Variants in SLC35F3 observed in about 807,000 individuals in gnomAD.
The protein encoded by SLC35F3 is solute carrier family 35 member F3, also known as putative thiamine transporter SLC35F3.
A neutral mutation model predicts 49.9 loss-of-function variants in SLC35F3; 25 were observed. The observed-to-expected ratio is 0.50, with a 90% CI of 0.37 to 0.70. SLC35F3 has a LOEUF of 0.70. Among genes scored for constraint, SLC35F3 ranks in the 30% least tolerant of loss-of-function variants. The probability of loss-of-function intolerance (pLI) is 0.00; values close to 1 mark genes in which losing one functional copy is unlikely to be tolerated. For synonymous variants in SLC35F3, 275 were observed against 265.4 expected, an observed-to-expected ratio of 1.04 and a Z score of -0.35; for missense variants, 525 against 639.8, an observed-to-expected ratio of 0.82 and a Z score of 1.94.
chr1:234,121,792 C>T (rs1000614704), intron 2 of SLC35F3, among the ~76,000 whole-genome samples: 1 of 152,266 alleles, frequency 6.6e-6, no homozygotes, highest in Non-Finnish European at 1.5e-5. Flanking sequence ...CAATTCCCAC[C>T]TATGAGTGAG....
At chr1:234,061,555 T>C (rs1664540535) in intron 2 of SLC35F3, among the ~76,000 whole-genome samples, 1 of 152,150 alleles carries the variant, frequency 6.6e-6, no homozygotes, top group Non-Finnish European at 1.5e-5. Flanking sequence ...TTCTGCTCTT[T>C]TCTCTCTTCT....
At chr1:233,906,127 C>T (rs981838791) in intron 2 of SLC35F3, among the ~76,000 whole-genome samples, 3 of 152,200 alleles carry the variant, frequency 2.0e-5, no homozygotes, top group Admixed American at 6.5e-5. Flanking sequence ...ACAGGGCCCT[C>T]GGTCAGGTCT....
intron 4 of SLC35F3, among the ~76,000 whole-genome samples, chr1:234,311,934 A>G (rs1657365896): frequency 3.9e-5 from 6 of 152,222 alleles, no homozygotes; most frequent in Admixed American, 3.9e-4. Context: ...AGAGAATATT[A>G]CTACTCATCT....
intron 2 of SLC35F3, among the ~76,000 whole-genome samples, chr1:234,230,250 T>G (rs558887478): frequency 6.6e-6 from 1 of 152,168 alleles, no homozygotes; most frequent in African/African-American, 2.4e-5. Context: ...ACCTGAAAAA[T>G]AGATTACATT....
At chr1:234,292,817 C>T (rs900572497) in intron 3 of SLC35F3, among the ~76,000 whole-genome samples, 1 of 152,202 alleles carries the variant, frequency 6.6e-6, no homozygotes, top group Admixed American at 6.5e-5. Context: ...TAGGGCCCTT[C>T]AACAGTGATG....
chr1:234,017,362 T>C (rs1355547899), intron 2 of SLC35F3, among the ~76,000 whole-genome samples: 1 of 152,182 alleles, frequency 6.6e-6, no homozygotes, highest in African/African-American at 2.4e-5. Context: ...TGTGAGCTTC[T>C]GGTCACATTT....
chr1:233,981,665 G>GAAAAAAAATATAAAAAAA (rs1663185728), intron 2 of SLC35F3, among the ~76,000 whole-genome samples: 1 of 138,380 alleles, frequency 7.2e-6, no homozygotes. Context: ...CTTTTCTCTG[G>GAAAAAAAATATAAAAAAA]AAAAAAAAAA....
chr1:234,051,957 T>C (rs1212898852), intron 2 of SLC35F3, among the ~76,000 whole-genome samples: 1 of 152,258 alleles, frequency 6.6e-6, no homozygotes, highest in Non-Finnish European at 1.5e-5. Context: ...GATTTGCGTA[T>C]GTTGAACAAG....
rs1281355726 is a variant in SLC35F3, at chr1:234,006,097, T to C, written c.283+100339T>C. 3.9e-5 allele frequency among the ~76,000 whole-genome samples: 6 copies of C among 152,316 alleles called. No homozygotes were observed. In the East Asian group the frequency reaches 1.2e-3, roughly 29 times the overall value. ...GAGTTTCCCTGGTTCTTCTTTTGAA[T>C]CTGAGACATAGGAGAGGTTTGAATC... On this transcript the variant is annotated intron_variant, in intron 2 of 7. Coordinates refer to ENST00000366618, the MANE Select transcript of SLC35F3 (RefSeq NM_173508.4).
intron 2 of SLC35F3, among the ~76,000 whole-genome samples, chr1:233,955,917 T>C (rs914320814): frequency 7.3e-6 from 1 of 137,040 alleles, no homozygotes; most frequent in African/African-American, 2.8e-5. Context: ...AGTTGGTGTC[T>C]CGCTCTCTTG....
intron 2 of SLC35F3, among the ~76,000 whole-genome samples, chr1:234,017,190 G>A (rs571235456): frequency 3.4e-4 from 52 of 152,230 alleles, no homozygotes; most frequent in Non-Finnish European, 5.7e-4. Context: ...TTCTTTTTAA[G>A]CTGCCAACAC....
At chr1:234,232,519 C>CAAA (rs536692686) in intron 3 of SLC35F3, among the ~76,000 whole-genome samples, 3,338 of 72,260 alleles carry the variant, frequency 0.046, 243 homozygotes, top group Middle Eastern at 0.065. Flanking sequence ...CAGGCCTAGT[C>CAAA]AAAAAAAAAA....
At chr1:234,150,088 G>C (rs1374807949) in intron 2 of SLC35F3, among the ~76,000 whole-genome samples, 2 of 152,220 alleles carry the variant, frequency 1.3e-5, no homozygotes. Flanking sequence ...GCTGCCTTCT[G>C]AGAATTTTTG....
intron 2 of SLC35F3, among the ~76,000 whole-genome samples, chr1:234,187,432 C>T (rs1572086736): frequency 6.6e-6 from 1 of 152,138 alleles, no homozygotes; most frequent in East Asian, 1.9e-4. Context: ...AGCTTTCACT[C>T]GGATGGATAG....
chr1:234,178,461 GAAA>G (rs35770557), intron 2 of SLC35F3, among the ~76,000 whole-genome samples: 1 of 140,970 alleles, frequency 7.1e-6, no homozygotes. Flanking sequence ...CTCTCCTAAG[GAAA>G]AAAAAAAAAA....
At chr1:233,978,996 A>G (rs931124832) in intron 2 of SLC35F3, among the ~76,000 whole-genome samples, 4 of 151,912 alleles carry the variant, frequency 2.6e-5, no homozygotes, top group African/African-American at 9.7e-5. Context: ...AGATTCAGCC[A>G]TTGCACTCCA....
chr1:234,020,632 A>G (rs1663877231), intron 2 of SLC35F3, among the ~76,000 whole-genome samples: 1 of 152,032 alleles, frequency 6.6e-6, no homozygotes, highest in Non-Finnish European at 1.5e-5. Context: ...TATTTCAATG[A>G]CTCCTATGAA....
At chr1:234,031,824 C>A (rs1664067241) in intron 2 of SLC35F3, among the ~76,000 whole-genome samples, 1 of 152,222 alleles carries the variant, frequency 6.6e-6, no homozygotes, top group African/African-American at 2.4e-5. Context: ...CGTTTCTTAA[C>A]TCCTAGACCC....
At chr1:233,923,409 A>G (rs151231511) in intron 2 of SLC35F3, among the ~76,000 whole-genome samples, 1,910 of 152,256 alleles carry the variant, frequency 0.013, 35 homozygotes, top group African/African-American at 0.044. Flanking sequence ...CTTTGAAGCA[A>G]TTGTGAATGG....
Sources: allele counts gnomAD v4.1 joint callset (sites outside exome capture counted in the v4.1 genomes callset), GRCh38; gene constraint gnomAD v4.1.1; transcripts MANE v1.5; gene names NCBI Gene and HGNC (gene_info 2026-07-23, HGNC 2026-07-21).